Variants in AGBL4 observed in about 807,000 individuals in gnomAD.
AGBL4 encodes the protein AGBL carboxypeptidase 4, also known as cytosolic carboxypeptidase 6.
A neutral mutation model predicts 66.4 loss-of-function variants in AGBL4; 58 were observed. That is an observed-to-expected ratio of 0.87 (90% CI 0.71 to 1.09). The LOEUF is 1.09. AGBL4 is among the 50% of genes least tolerant of loss of function. AGBL4 has a pLI of 0.00. For synonymous variants in AGBL4, 234 were observed against 222.9 expected (o/e 1.05, Z -0.44); for missense variants, 579 against 631.0 (o/e 0.92, Z 0.88).
chr1:49,627,060 C>T (rs536928906), intron 3 of AGBL4, among the ~76,000 whole-genome samples: 58 of 152,184 alleles, frequency 3.8e-4, no homozygotes, highest in Admixed American at 3.7e-3. Flanking sequence ...TCAGAAATTG[C>T]CAATGTTGGA....
chr1:49,649,806 A>C (rs1645964993), intron 3 of AGBL4, among the ~76,000 whole-genome samples: 1 of 152,164 alleles, frequency 6.6e-6, no homozygotes, highest in African/African-American at 2.4e-5. Flanking sequence ...CTCTGGCCAC[A>C]ACGGAATGAA....
intron 1 of AGBL4, among the ~76,000 whole-genome samples, chr1:49,877,112 A>G (rs1349679904): frequency 2.6e-5 from 4 of 151,596 alleles, no homozygotes; most frequent in Non-Finnish European, 5.9e-5. Flanking sequence ...AAACAGGGAC[A>G]ATTTGACTTC....
At chr1:49,971,248 C>T (rs1658057502) in intron 1 of AGBL4, among the ~76,000 whole-genome samples, 1 of 152,178 alleles carries the variant, frequency 6.6e-6, no homozygotes, top group Non-Finnish European at 1.5e-5. Flanking sequence ...CAGTCCTGTG[C>T]TGTCCTACCT....
At chr1:49,210,619 G>A (rs1284123343) in intron 4 of AGBL4, among the ~76,000 whole-genome samples, 1 of 151,940 alleles carries the variant, frequency 6.6e-6, no homozygotes, top group Non-Finnish European at 1.5e-5. Context: ...CTAACTACTT[G>A]AAAATGCGTT....
At chr1:48,747,082 T>G (rs1292344836) in intron 6 of AGBL4, among the ~76,000 whole-genome samples, 1 of 152,204 alleles carries the variant, frequency 6.6e-6, no homozygotes, top group Non-Finnish European at 1.5e-5. Flanking sequence ...AGATTGCTGT[T>G]TTGCTTTTAA....
At chr1:49,009,117 A>T (rs61786056) in intron 5 of AGBL4, among the ~76,000 whole-genome samples, 8 of 149,562 alleles carry the variant, frequency 5.3e-5, no homozygotes, top group South Asian at 2.2e-4. Flanking sequence ...TCAACAAAAT[A>T]GATAGACTGC....
intron 3 of AGBL4, among the ~76,000 whole-genome samples, chr1:49,289,916 C>A (rs892788695): frequency 6.6e-6 from 1 of 151,908 alleles, no homozygotes; most frequent in South Asian, 2.1e-4. Flanking sequence ...AAAAGATTTT[C>A]TTTAAAAGGG....
intron 1 of AGBL4, among the ~76,000 whole-genome samples, chr1:49,860,557 G>C (rs1213567374): frequency 2.0e-5 from 3 of 152,076 alleles, no homozygotes; most frequent in Non-Finnish European, 2.9e-5. Context: ...AAGTTAGCTG[G>C]CAGTGGTGGC....
chr1:48,734,461 T>C (rs1443032937), intron 6 of AGBL4, among the ~76,000 whole-genome samples: 1 of 152,154 alleles, frequency 6.6e-6, no homozygotes, highest in Non-Finnish European at 1.5e-5. Flanking sequence ...TCCCATGTGG[T>C]CACTCCATGA....
chr1:49,545,983 G>A (rs951053740), intron 3 of AGBL4, among the ~76,000 whole-genome samples: 8 of 152,038 alleles, frequency 5.3e-5, no homozygotes, highest in African/African-American at 1.2e-4. Context: ...CCCATCACCC[G>A]AGCAGTATAC....
chr1:49,626,125 A>G (rs1223197070), intron 3 of AGBL4, among the ~76,000 whole-genome samples: 3 of 152,082 alleles, frequency 2.0e-5, no homozygotes, highest in Admixed American at 6.6e-5. Context: ...TATTCTTTCT[A>G]TGTAGAATGC....
At chr1:48,739,256 C>G (rs974598488) in intron 6 of AGBL4, among the ~76,000 whole-genome samples, 1 of 152,222 alleles carries the variant, frequency 6.6e-6, no homozygotes, top group Non-Finnish European at 1.5e-5. Flanking sequence ...CCTATAATCA[C>G]GACAGATTAA....
At chr1:49,359,431 T>C (rs965191388) in intron 3 of AGBL4, among the ~76,000 whole-genome samples, 9 of 152,172 alleles carry the variant, frequency 5.9e-5, no homozygotes, top group Admixed American at 2.0e-4. Context: ...ATCTCTGACA[T>C]ATAGCATATG....
intron 3 of AGBL4, among the ~76,000 whole-genome samples, chr1:49,634,262 G>C (rs751696396): frequency 8.3e-4 from 126 of 151,962 alleles, no homozygotes; most frequent in Non-Finnish European, 1.3e-3. Context: ...CCCTCCCTGT[G>C]TCCATGTGTT....
chr1:48,539,768 C>A, intron 11 of AGBL4, 30 bp from the exon 12 acceptor site: 1 of 1,416,672 alleles, frequency 7.1e-7, no homozygotes, highest in South Asian at 1.5e-5. Flanking sequence ...GGAGCAACTT[C>A]GAAAACAGAT....
chr1:48,906,898 G>A (rs944238972), intron 5 of AGBL4, among the ~76,000 whole-genome samples: 5 of 152,122 alleles, frequency 3.3e-5, no homozygotes, highest in African/African-American at 1.2e-4. Flanking sequence ...TCCTTCTGTG[G>A]TCACAAAAAA....
chr1:49,379,415 G>T (rs1644544013), intron 3 of AGBL4, among the ~76,000 whole-genome samples: 1 of 152,080 alleles, frequency 6.6e-6, no homozygotes. Flanking sequence ...TGCCCGTTTT[G>T]GCTACATGTC....
At chr1:49,512,059 T>G (rs1338723109) in intron 3 of AGBL4, among the ~76,000 whole-genome samples, 2 of 151,998 alleles carry the variant, frequency 1.3e-5, no homozygotes, top group African/African-American at 4.8e-5. Context: ...TAGTAGGTAT[T>G]CAAAACACTG....
intron 6 of AGBL4, among the ~76,000 whole-genome samples, chr1:48,780,515 T>C (rs1027792049): frequency 1.3e-5 from 2 of 152,138 alleles, no homozygotes; most frequent in African/African-American, 2.4e-5. Flanking sequence ...TCATGCTACC[T>C]GACTTCAAAC....
Sources: allele counts gnomAD v4.1 joint callset (sites outside exome capture counted in the v4.1 genomes callset), GRCh38; gene constraint gnomAD v4.1.1; transcripts MANE v1.5; gene names NCBI Gene and HGNC (gene_info 2026-07-23, HGNC 2026-07-21).